Variants in KCNQ3 observed in about 807,000 individuals in gnomAD.
KCNQ3 encodes potassium voltage-gated channel subfamily KQT member 3.
KCNQ3 carries 30 observed loss-of-function variants against 92.5 expected under a neutral mutation model. That is an observed-to-expected ratio of 0.32 (90% CI 0.24 to 0.44). KCNQ3 has a LOEUF of 0.44. KCNQ3 is among the 20% of genes least tolerant of loss of function. The probability of loss-of-function intolerance (pLI) is 1.00; values close to 1 mark genes in which losing one functional copy is unlikely to be tolerated. For synonymous variants in KCNQ3, 450 were observed against 468.8 expected, an observed-to-expected ratio of 0.96 and a Z score of 0.52; for missense variants, 913 against 1,140.3, an observed-to-expected ratio of 0.80 and a Z score of 2.87.
intron 4 of KCNQ3, among the ~76,000 whole-genome samples, chr8:132,176,396 C>T (rs186012059): frequency 7.2e-5 from 11 of 152,170 alleles, no homozygotes; most frequent in African/African-American, 2.6e-4. Flanking sequence ...CCAACTTTCT[C>T]TCTTTCTCTC....
chr8:132,203,224 C>A (rs1398767241), intron 1 of KCNQ3, among the ~76,000 whole-genome samples: 1 of 152,182 alleles, frequency 6.6e-6, no homozygotes, highest in Non-Finnish European at 1.5e-5. Flanking sequence ...AACACTGTTG[C>A]ATCGGGGAGT....
intron 9 of KCNQ3, among the ~76,000 whole-genome samples, chr8:132,162,919 G>A (rs964687683): frequency 2.0e-5 from 3 of 152,132 alleles, no homozygotes; most frequent in South Asian, 2.1e-4. Flanking sequence ...AATAATAATC[G>A]TTTAAAAATG....
chr8:132,149,075 G>A (rs893315734), intron 9 of KCNQ3, among the ~76,000 whole-genome samples: 1 of 152,202 alleles, frequency 6.6e-6, no homozygotes, highest in African/African-American at 2.4e-5. Context: ...ACAAAGATTT[G>A]CCGTTCATGT....
At chr8:132,232,594 T>G (rs567435115) in intron 1 of KCNQ3, among the ~76,000 whole-genome samples, 5 of 152,364 alleles carry the variant, frequency 3.3e-5, no homozygotes, top group African/African-American at 1.2e-4. Context: ...AGTGGGCACA[T>G]AGTAAGCACT....
chr8:132,195,991 C>T (rs1827288936), intron 1 of KCNQ3, among the ~76,000 whole-genome samples: 1 of 152,154 alleles, frequency 6.6e-6, no homozygotes, highest in Non-Finnish European at 1.5e-5. Flanking sequence ...CATGTGCATA[C>T]CTAATATGCA....
chr8:132,359,622 CT>C (rs1360796193), intron 1 of KCNQ3, among the ~76,000 whole-genome samples: 1 of 152,146 alleles, frequency 6.6e-6, no homozygotes, highest in Non-Finnish European at 1.5e-5. Context: ...GCAAATCCAG[CT>C]GTGGATTGTG....
At chr8:132,464,238 C>T (rs894840988) in intron 1 of KCNQ3, among the ~76,000 whole-genome samples, 4 of 152,186 alleles carry the variant, frequency 2.6e-5, no homozygotes, top group East Asian at 1.9e-4. Flanking sequence ...GACATGTTCA[C>T]GTTACAGACG....
intron 1 of KCNQ3, among the ~76,000 whole-genome samples, chr8:132,268,746 G>A (rs375691074): frequency 6.6e-6 from 1 of 152,138 alleles, no homozygotes; most frequent in East Asian, 1.9e-4. Flanking sequence ...GGTAAATACT[G>A]AGGAGCACAA....
chr8:132,404,084 T>A (rs1322560873), intron 1 of KCNQ3, among the ~76,000 whole-genome samples: 1 of 152,080 alleles, frequency 6.6e-6, no homozygotes, highest in African/African-American at 2.4e-5. Flanking sequence ...CTTGCCCACT[T>A]CCCCTTCTCT....
intron 3 of KCNQ3, among the ~76,000 whole-genome samples, chr8:132,183,414 T>C (rs1459278723): frequency 1.3e-5 from 2 of 152,274 alleles, no homozygotes; most frequent in East Asian, 3.9e-4. Context: ...TAATGGCTGC[T>C]GCTGGGGACT....
At chr8:132,306,621 A>C (rs1306633644) in intron 1 of KCNQ3, among the ~76,000 whole-genome samples, 1 of 152,230 alleles carries the variant, frequency 6.6e-6, no homozygotes, top group Non-Finnish European at 1.5e-5. Context: ...TTTATACAAA[A>C]GGGGACAACA....
intron 1 of KCNQ3, among the ~76,000 whole-genome samples, chr8:132,407,987 C>T (rs990862383): frequency 6.6e-6 from 1 of 152,082 alleles, no homozygotes; most frequent in African/African-American, 2.4e-5. Context: ...AGGTAAGTCG[C>T]TGGGTGGGTA....
At chr8:132,413,307 A>C (rs2130800116) in intron 1 of KCNQ3, among the ~76,000 whole-genome samples, 1 of 152,268 alleles carries the variant, frequency 6.6e-6, no homozygotes, top group Middle Eastern at 3.4e-3. Flanking sequence ...TTCTGAAAAC[A>C]CTGTTTCTTT....
intron 1 of KCNQ3, among the ~76,000 whole-genome samples, chr8:132,213,314 T>G (rs542447123): frequency 6.6e-6 from 1 of 152,298 alleles, no homozygotes; most frequent in African/African-American, 2.4e-5. Context: ...TCCATTTCAC[T>G]GACCAAGGTG....
intron 1 of KCNQ3, among the ~76,000 whole-genome samples, chr8:132,344,747 G>A (rs1479903052): frequency 2.6e-5 from 4 of 152,186 alleles, no homozygotes; most frequent in African/African-American, 9.7e-5. Flanking sequence ...ACAGTTGGGT[G>A]AAGGCAACAG....
At chr8:132,480,022 G>A (rs1324622219) in intron 1 of KCNQ3, 125 bp downstream of exon 1, 3 of 875,614 alleles carry the variant, frequency 3.4e-6, no homozygotes, top group African/African-American at 3.4e-5. Context: ...AGGACGGGCT[G>A]GTCTCCCCTT....
intron 1 of KCNQ3, among the ~76,000 whole-genome samples, chr8:132,264,675 GA>G (rs1815922998): frequency 6.6e-6 from 1 of 152,210 alleles, no homozygotes; most frequent in African/African-American, 2.4e-5. Context: ...TAAGTGAAAG[GA>G]CAGCAGATCC....
rs150080204 is a variant in KCNQ3 at position 132,466,811 on chromosome 8, T to A, written c.386+13336A>T. Reference sequence around the variant, plus strand: ...AGCAAGCCCATATAAACACACAGTTTACAAAGACGTACACAGTGTATCAGT... The same window carrying A: ...AGCAAGCCCATATAAACACACAGTTAACAAAGACGTACACAGTGTATCAGT... On this transcript the variant is annotated intron_variant, in intron 1 of 14. Coordinates refer to ENST00000388996, the MANE Select transcript of KCNQ3 (RefSeq NM_004519.4). 1.6e-4 allele frequency among the ~76,000 whole-genome samples: 24 copies of A among 152,306 alleles called. No homozygotes were observed. In the East Asian group the frequency reaches 4.6e-3, roughly 29 times the overall value.
chr8:132,273,461 A>G (rs534463962), intron 1 of KCNQ3, among the ~76,000 whole-genome samples: 1 of 151,996 alleles, frequency 6.6e-6, no homozygotes, highest in South Asian at 2.1e-4. Context: ...CCATGAAACC[A>G]TTTTTTCTTC....
Sources: gnomAD v4.1 joint callset for allele counts (sites outside exome capture counted in the v4.1 genomes callset) on GRCh38, gnomAD v4.1.1 for gene constraint, MANE v1.5 for transcripts, NCBI Gene and HGNC (gene_info 2026-07-23, HGNC 2026-07-21) for gene names.